The following MYT1L variants were observed in gnomAD, a reference collection of about 807,000 sequenced individuals.
MYT1L encodes the protein myelin transcription factor 1-like protein.
A neutral mutation model predicts 126.7 loss-of-function variants in MYT1L; 12 were observed. That is an observed-to-expected ratio of 0.09 (90% CI 0.06 to 0.15). MYT1L has a LOEUF of 0.15. Ranked by LOEUF, MYT1L falls within the 10% of genes least tolerant of loss-of-function variation. MYT1L has a pLI of 1.00. For synonymous variants in MYT1L, 541 were observed against 604.2 expected (o/e 0.90, Z 1.53); for missense variants, 979 against 1,585.2 (o/e 0.62, Z 6.49).
rs892974742 is a variant in MYT1L, at chr2:2,245,917, C to G, written c.-421+38487G>C. On this transcript the variant is annotated intron_variant, in intron 2 of 24. Transcript: ENST00000647738. ...GAAGCACACGGGTGGCCTCTAGAAG[C>G]TGTAAGGCAAGGACAGGGATTCTCC... 3.3e-5 allele frequency among the ~76,000 whole-genome samples: 5 copies of G among 152,232 alleles called. No individual in the cohort carries two copies. The South Asian group carries it at 6.2e-4, about 19-fold the overall frequency.
chr2:2,240,886 G>T (rs2094426857), intron 2 of MYT1L, among the ~76,000 whole-genome samples: 1 of 152,154 alleles, frequency 6.6e-6, no homozygotes, highest in Non-Finnish European at 1.5e-5. Flanking sequence ...ATATATGTAG[G>T]TCAAAAGTCA....
At chr2:1,849,528 AGT>A (rs1281778660) in intron 19 of MYT1L, among the ~76,000 whole-genome samples, 3 of 152,226 alleles carry the variant, frequency 2.0e-5, no homozygotes, top group Non-Finnish European at 4.4e-5. Context: ...GACACTCAGC[AGT>A]GACTGCAGGC....
At chr2:1,911,862 C>T (rs938528193) in intron 12 of MYT1L, among the ~76,000 whole-genome samples, 158 bp downstream of exon 12, 5 of 152,172 alleles carry the variant, frequency 3.3e-5, no homozygotes, top group African/African-American at 4.8e-5. Flanking sequence ...ACCACAAGGG[C>T]GTGGAGTGCT....
chr2:2,289,209 G>C (rs1369493664), intron 1 of MYT1L, among the ~76,000 whole-genome samples: 1 of 152,176 alleles, frequency 6.6e-6, no homozygotes, highest in African/African-American at 2.4e-5. Context: ...TGTCTGGCTA[G>C]GGTGGGAATA....
chr2:1,814,360 A>T (rs958237422), intron 21 of MYT1L, among the ~76,000 whole-genome samples: 1 of 152,076 alleles, frequency 6.6e-6, no homozygotes, highest in Non-Finnish European at 1.5e-5. Flanking sequence ...CCTTCCTCGA[A>T]TCCCCTGCGC....
At position 1,889,321 on chromosome 2, in the gene MYT1L, C is replaced by T; in HGVS notation, c.2440G>A (p.Gly814Ser). The T allele has an allele frequency of 1.2e-6, 2 of 1,613,802 alleles. No individual in the cohort carries two copies. The highest frequency in any genetic ancestry group is 2.2e-5 in the South Asian group (2 of 91,064). ...MNNRCFQLGE[G>S]DCWDLPVDYT... ...TCTACGGGCAAGTCCCAGCAGTCGC[C>T]CTCGCCCAGCTGGAAACACCGGTTG... The change falls in exon 16 of 25, where the codon GGC becomes AGC. Residue 814 changes from glycine (G) to serine (S), a missense_variant. Gly to Ser is a moderately conservative substitution (Grantham distance 56, BLOSUM62 0). Coordinates refer to ENST00000647738, the MANE Select transcript of MYT1L (RefSeq NM_001303052.2). This position sits in a 1 kb window ranked among gnomAD's most constrained non-coding sequence, Gnocchi z 4.1.
chr2:1,846,425 G>A (rs1184864504), intron 19 of MYT1L, among the ~76,000 whole-genome samples: 1 of 152,176 alleles, frequency 6.6e-6, no homozygotes, highest in Non-Finnish European at 1.5e-5. Context: ...CTTGTCATAT[G>A]TCCACATCTT....
intron 23 of MYT1L, among the ~76,000 whole-genome samples, chr2:1,797,445 T>C (rs890346404): frequency 6.2e-4 from 95 of 152,212 alleles, no homozygotes; most frequent in South Asian, 3.1e-3. Context: ...TGGTCTCGAT[T>C]TCCTGACCTC....
At chr2:1,925,771 TAGA>T (rs2149129158) in intron 9 of MYT1L, among the ~76,000 whole-genome samples, 1 of 152,282 alleles carries the variant, frequency 6.6e-6, no homozygotes, top group South Asian at 2.1e-4. Flanking sequence ...GATATGAAAT[TAGA>T]AGTTCTACAG....
chr2:2,146,693 G>A (rs2084928097), intron 3 of MYT1L, among the ~76,000 whole-genome samples: 1 of 152,224 alleles, frequency 6.6e-6, no homozygotes, highest in African/African-American at 2.4e-5. Context: ...CATCTACACA[G>A]TGAACAATTT....
chr2:2,270,798 C>G (rs771093664), intron 2 of MYT1L, among the ~76,000 whole-genome samples: 2 of 152,142 alleles, frequency 1.3e-5, no homozygotes, highest in Non-Finnish European at 2.9e-5. Context: ...CGTGCCCCCT[C>G]CCAGCCAGTT....
chr2:1,973,771 C>A (rs925457317), intron 8 of MYT1L, among the ~76,000 whole-genome samples: 3 of 152,162 alleles, frequency 2.0e-5, no homozygotes, highest in Non-Finnish European at 4.4e-5. Flanking sequence ...CAGGCCTCAC[C>A]CCGTGATGCT....
intron 8 of MYT1L, among the ~76,000 whole-genome samples, chr2:1,965,787 G>C (rs2059308499): frequency 6.6e-6 from 1 of 152,244 alleles, no homozygotes; most frequent in African/African-American, 2.4e-5. Flanking sequence ...CGGACAGGGG[G>C]ATGCACAGAT....
chr2:2,153,787 AGAG>A (rs1236602540), intron 3 of MYT1L, among the ~76,000 whole-genome samples: 1 of 151,998 alleles, frequency 6.6e-6, no homozygotes, highest in African/African-American at 2.4e-5. Context: ...TTTCCATGAG[AGAG>A]GATGGTGGGC....
intron 2 of MYT1L, among the ~76,000 whole-genome samples, chr2:2,273,998 T>C (rs559308536): frequency 6.6e-6 from 1 of 152,048 alleles, no homozygotes; most frequent in Non-Finnish European, 1.5e-5. Context: ...TATAGAGAAC[T>C]GATACTCAAT....
At chr2:1,874,275 A>G (rs1450213422) in intron 18 of MYT1L, among the ~76,000 whole-genome samples, 3 of 152,168 alleles carry the variant, frequency 2.0e-5, no homozygotes, top group Non-Finnish European at 4.4e-5. Context: ...TTTCTCCACA[A>G]GAAGCCTCAG....
At chr2:2,082,858 CA>C (rs754672844) in intron 3 of MYT1L, among the ~76,000 whole-genome samples, 1 of 152,170 alleles carries the variant, frequency 6.6e-6, no homozygotes, top group Non-Finnish European at 1.5e-5. Flanking sequence ...CCTCCCTAAG[CA>C]ATCTCCTCAT....
At position 2,172,539 on chromosome 2, in the gene MYT1L, GA is replaced by G. The variant is rs778630780; in HGVS notation, c.-304+332del. 2.0e-5 allele frequency among the ~76,000 whole-genome samples: 3 copies of G among 152,270 alleles called. No homozygotes were observed. The South Asian group carries it at 6.2e-4, about 31-fold the overall frequency. On this transcript the variant is annotated intron_variant, in intron 3 of 24. Coordinates refer to ENST00000647738, the MANE Select transcript of MYT1L (RefSeq NM_001303052.2). ...CCATGAAGCACCAGGCAGCTAAGAT[GA>G]AAGTATTTACTCAAAGCAGCAAATG...
intron 13 of MYT1L, among the ~76,000 whole-genome samples, chr2:1,903,872 T>C (rs2050670598): frequency 6.6e-6 from 1 of 152,128 alleles, no homozygotes; most frequent in Non-Finnish European, 1.5e-5. Flanking sequence ...GTCTTTGGAA[T>C]AAAATATTTA....
Sources: allele counts gnomAD v4.1 joint callset (sites outside exome capture counted in the v4.1 genomes callset), GRCh38; gene constraint gnomAD v4.1.1; non-coding constraint Gnocchi (gnomAD v3.1); transcripts MANE v1.5; gene names NCBI Gene and HGNC (gene_info 2026-07-23, HGNC 2026-07-21).